R3HCC1L: variants seen among roughly 807,000 people sequenced by gnomAD.
R3HCC1L encodes the protein R3H domain and coiled-coil containing 1 like.
A neutral mutation model predicts 59.9 loss-of-function variants in R3HCC1L; 51 were observed. The observed-to-expected ratio is 0.85, with a 90% CI of 0.68 to 1.07. The LOEUF is 1.07. Among genes scored for constraint, R3HCC1L ranks in the 50% least tolerant of loss-of-function variants. R3HCC1L has a pLI of 0.00. For synonymous variants in R3HCC1L, 322 were observed against 315.2 expected, an observed-to-expected ratio of 1.02 and a Z score of -0.23; for missense variants, 965 against 933.0, an observed-to-expected ratio of 1.03 and a Z score of -0.45.
chr10:98,154,490 G>A (rs2134074370), intron 1 of R3HCC1L, among the ~76,000 whole-genome samples: 1 of 152,150 alleles, frequency 6.6e-6, no homozygotes, highest in East Asian at 1.9e-4. Flanking sequence ...TTTACTTGTG[G>A]CATCATGTTG....
chr10:98,167,471 T>C (rs1029251117), intron 4 of R3HCC1L, among the ~76,000 whole-genome samples: 1 of 152,242 alleles, frequency 6.6e-6, no homozygotes, highest in Admixed American at 6.5e-5. Context: ...TCTACCTCAT[T>C]TATAAGTATT....
intron 9 of R3HCC1L, among the ~76,000 whole-genome samples, chr10:98,238,541 G>T (rs1335015810): frequency 6.6e-6 from 1 of 152,066 alleles, no homozygotes. Flanking sequence ...TGATGATATT[G>T]CATTATGATA....
intron 2 of R3HCC1L, among the ~76,000 whole-genome samples, chr10:98,159,688 G>C (rs1182866598): frequency 6.6e-6 from 1 of 152,082 alleles, no homozygotes; most frequent in East Asian, 1.9e-4. Context: ...TTTTGACACT[G>C]TCCCTGACTT....
At chr10:98,224,850 C>G (rs1160965239) in intron 5 of R3HCC1L, among the ~76,000 whole-genome samples, 1 of 152,080 alleles carries the variant, frequency 6.6e-6, no homozygotes, top group Non-Finnish European at 1.5e-5. Context: ...GAGGGATTGC[C>G]CAAATACATG....
In R3HCC1L at chr10:98,209,114, G is replaced by A; in HGVS notation, c.1000G>A (p.Glu334Lys). 6.2e-7 allele frequency: 1 copy of A among 1,614,072 alleles called. No individual in the cohort carries two copies. The highest frequency in any genetic ancestry group is 8.5e-7 in the Non-Finnish European group (1 of 1,180,010). Residue 334 changes from glutamate (E) to lysine (K), a missense_variant, in exon 5 of 10, where the codon GAG becomes AAG. Glu to Lys is a moderately conservative substitution (Grantham distance 56). Coordinates refer to ENST00000298999, the MANE Select transcript of R3HCC1L (RefSeq NM_001351015.2). Reference sequence around the variant, plus strand: ...TAGTCCAGTAATGATTAGAGAATGTGAGAAGAATGACAGCACTGCTGATGA... The same window carrying A: ...TAGTCCAGTAATGATTAGAGAATGTAAGAAGAATGACAGCACTGCTGATGA... ...TVSPVMIRECEKNDSTADELH... is the reference protein window; with the variant it reads ...TVSPVMIRECKKNDSTADELH...
rs944278296 is a variant in R3HCC1L, at chr10:98,244,869, G to C, written c.*711G>C. Reference sequence around the variant, plus strand: ...AGCAGTAATACCATGTTGTAAGAGGGAACATTAAAGCCCATTTTATGACAT... The same window carrying C: ...AGCAGTAATACCATGTTGTAAGAGGCAACATTAAAGCCCATTTTATGACAT... On this transcript the variant is annotated 3_prime_UTR_variant, in exon 10 of 10. Transcript: ENST00000298999. 14 of 152,164 alleles carry C rather than the reference G, an allele frequency of 9.2e-5. No individual in the cohort carries two copies. The highest frequency in any genetic ancestry group is 1.8e-4 in the Non-Finnish European group (12 of 68,046). 9.4% of individuals were successfully genotyped at this position (152,164 alleles called of 1,614,324 possible). A position where few individuals can be genotyped will look rare whatever the true frequency, so the allele number is the denominator to read the frequency against.
chr10:98,197,606 A>G (rs960778878), intron 4 of R3HCC1L, among the ~76,000 whole-genome samples: 2 of 152,232 alleles, frequency 1.3e-5, no homozygotes, highest in African/African-American at 4.8e-5. Flanking sequence ...TAGTTAATAA[A>G]TATTTGTGGA....
intron 1 of R3HCC1L, among the ~76,000 whole-genome samples, chr10:98,151,217 A>G (rs1846127765): frequency 6.6e-6 from 1 of 152,150 alleles, no homozygotes; most frequent in Non-Finnish European, 1.5e-5. Context: ...CCATTTTGGA[A>G]CTGGAAGAAT....
chr10:98,182,739 G>C (rs1474464531), intron 4 of R3HCC1L, among the ~76,000 whole-genome samples: 1 of 152,158 alleles, frequency 6.6e-6, no homozygotes, highest in East Asian at 1.9e-4. Context: ...TCAAGCCTCG[G>C]CAATGGTGGA....
intron 1 of R3HCC1L, among the ~76,000 whole-genome samples, chr10:98,144,466 C>T (rs191274639): frequency 3.3e-4 from 50 of 152,228 alleles, no homozygotes; most frequent in Middle Eastern, 3.4e-3. Context: ...TGCCCACCTC[C>T]GCCTCCCAAA....
At chr10:98,165,168 A>G (rs1453991941) in intron 4 of R3HCC1L, among the ~76,000 whole-genome samples, 2 of 152,172 alleles carry the variant, frequency 1.3e-5, no homozygotes, top group African/African-American at 2.4e-5. Context: ...GGCTGAGACA[A>G]GCTATTCCTT....
intron 4 of R3HCC1L, among the ~76,000 whole-genome samples, chr10:98,167,939 A>T (rs1419575186): frequency 6.6e-6 from 1 of 152,210 alleles, no homozygotes; most frequent in Non-Finnish European, 1.5e-5. Context: ...AGAGGAAAAG[A>T]AATCAAGTTT....
intron 4 of R3HCC1L, among the ~76,000 whole-genome samples, chr10:98,195,155 G>C (rs1409250518): frequency 1.3e-5 from 2 of 152,168 alleles, no homozygotes; most frequent in African/African-American, 4.8e-5. Context: ...AGAAATTCCT[G>C]TCATGCTGCC....
chr10:98,176,183 A>G (rs1848999625), intron 4 of R3HCC1L, among the ~76,000 whole-genome samples: 2 of 152,142 alleles, frequency 1.3e-5, no homozygotes, highest in African/African-American at 2.4e-5. Flanking sequence ...TTGTAGCTTT[A>G]TAGTAAACTT....
At chr10:98,234,414 T>TCC in intron 6 of R3HCC1L, 32 bp from the exon 7 acceptor site, 1 of 1,584,966 alleles carries the variant, frequency 6.3e-7, no homozygotes, top group Non-Finnish European at 8.6e-7. Context: ...AAATTTTATT[T>TCC]TAGGAAATAA....
chr10:98,222,379 C>A (rs1434243962), intron 5 of R3HCC1L, among the ~76,000 whole-genome samples: 1 of 151,888 alleles, frequency 6.6e-6, no homozygotes, highest in Non-Finnish European at 1.5e-5. Flanking sequence ...ATTTCCTTCT[C>A]CTGCCTAATT....
chr10:98,223,714 G>A (rs933903489), intron 5 of R3HCC1L, among the ~76,000 whole-genome samples: 2 of 151,968 alleles, frequency 1.3e-5, no homozygotes, highest in East Asian at 3.9e-4. Context: ...GTAGAACTTT[G>A]CTGGGGATGA....
Position 98,177,212 on chromosome 10 carries a change from G to T in R3HCC1L, c.-15+13815G>T, listed in dbSNP as rs183199358. ...CACCCCACAACAGGCCCCAGTGTGTGATGTTCCCCTTCCTGTGTCCAAGTG... is the reference window on the plus strand; with the variant it reads ...CACCCCACAACAGGCCCCAGTGTGTTATGTTCCCCTTCCTGTGTCCAAGTG... On this transcript the variant is annotated intron_variant, in intron 4 of 9. Transcript: ENST00000298999. 1.6e-3 allele frequency among the ~76,000 whole-genome samples: 239 copies of T among 152,054 alleles called. 1 individual carries two copies. Among genetic ancestry groups the T allele is most frequent in the African/African-American group, 5.6e-3 (232 of 41,438 alleles).
At chr10:98,188,997 A>G (rs1850540446) in intron 4 of R3HCC1L, among the ~76,000 whole-genome samples, 1 of 152,198 alleles carries the variant, frequency 6.6e-6, no homozygotes, top group Non-Finnish European at 1.5e-5. Flanking sequence ...GTGAGTTGTC[A>G]GGTGAGCAAA....
Sources: allele counts gnomAD v4.1 joint callset (sites outside exome capture counted in the v4.1 genomes callset), GRCh38; gene constraint gnomAD v4.1.1; transcripts MANE v1.5; gene names NCBI Gene and HGNC (gene_info 2026-07-23, HGNC 2026-07-21).